BUB1B: variants seen among roughly 807,000 people sequenced by gnomAD.
BUB1B encodes BUB1 mitotic checkpoint serine/threonine kinase B, also known as mitotic checkpoint serine/threonine-protein kinase BUB1 beta.
A neutral mutation model predicts 137.7 loss-of-function variants in BUB1B; 86 were observed. The observed-to-expected ratio is 0.62, with a 90% CI of 0.52 to 0.75. The LOEUF (loss-of-function observed/expected upper bound fraction) is 0.75. Among genes scored for constraint, BUB1B ranks in the 30% least tolerant of loss-of-function variants. The pLI is 0.00. For synonymous variants in BUB1B, 420 were observed against 417.9 expected, an observed-to-expected ratio of 1.00 and a Z score of -0.06; for missense variants, 1,130 against 1,236.9, an observed-to-expected ratio of 0.91 and a Z score of 1.30.
intron 20 of BUB1B, among the ~76,000 whole-genome samples, chr15:40,216,299 A>C (rs1476711214): frequency 2.0e-5 from 3 of 151,874 alleles, no homozygotes; most frequent in African/African-American, 7.3e-5. Flanking sequence ...TTAGCCAGGC[A>C]TGGTGGCACA....
At chr15:40,166,951 A>G (rs1217079081) in intron 2 of BUB1B, among the ~76,000 whole-genome samples, 1 of 151,728 alleles carries the variant, frequency 6.6e-6, no homozygotes, top group Non-Finnish European at 1.5e-5. Flanking sequence ...ATCTGTTTAG[A>G]TATTTTGCCC....
At chr15:40,176,977 C>A (rs1174141614) in intron 5 of BUB1B, among the ~76,000 whole-genome samples, 1 of 152,138 alleles carries the variant, frequency 6.6e-6, no homozygotes, top group African/African-American at 2.4e-5. Flanking sequence ...AAACCCCTGG[C>A]AAACACTGAT....
intron 8 of BUB1B, among the ~76,000 whole-genome samples, chr15:40,194,589 G>A (rs536623484): frequency 1.3e-5 from 2 of 152,270 alleles, no homozygotes; most frequent in Admixed American, 1.3e-4. Flanking sequence ...GGTATCTTTA[G>A]TTGTACAAAG....
chr15:40,212,455 C>T, intron 18 of BUB1B, 44 bp from the exon 19 acceptor site: 1 of 1,527,840 alleles, frequency 6.5e-7, no homozygotes, highest in Non-Finnish European at 9.0e-7. Context: ...CAGCCATAAC[C>T]ATAGACTTAA....
chr15:40,204,617 A>G (rs1190732027), intron 14 of BUB1B, among the ~76,000 whole-genome samples: 1 of 151,282 alleles, frequency 6.6e-6, no homozygotes, highest in Admixed American at 6.6e-5. Context: ...ATATAAATAC[A>G]TATATATGTA....
In BUB1B at chr15:40,185,171, G is replaced by A; in HGVS notation, c.758G>A (p.Ser253Asn). ...TTAATATTTTTGCTCCTAGCTCCAA[G>A]CCAGAACAGAGGACTCCAAAATCCA... ...IRVGGALKAP[S>N]QNRGLQNPFP... The change falls in exon 7 of 23, where the codon AGC becomes AAC. Residue 253 changes from serine to asparagine, a missense_variant. Coordinates refer to ENST00000287598, the MANE Select transcript of BUB1B (RefSeq NM_001211.6). 6.2e-7 allele frequency: 1 copy of A among 1,613,640 alleles called. No homozygotes were observed. Among genetic ancestry groups the A allele is most frequent in the Non-Finnish European group, 8.5e-7 (1 of 1,179,702 alleles).
chr15:40,173,477 A>C (rs777394702), intron 4 of BUB1B, among the ~76,000 whole-genome samples: 10 of 152,114 alleles, frequency 6.6e-5, no homozygotes, highest in Non-Finnish European at 1.2e-4. Flanking sequence ...ATGAAGTAAA[A>C]AGCATAATCT....
intron 9 of BUB1B, 70 bp from the exon 10 acceptor site, chr15:40,199,545 T>C (rs1371182112): frequency 6.6e-6 from 8 of 1,208,928 alleles, no homozygotes; most frequent in Non-Finnish European, 9.8e-6. Flanking sequence ...GGAGATGAGC[T>C]CCAAAGGCAG....
intron 4 of BUB1B, among the ~76,000 whole-genome samples, chr15:40,172,189 ATAAAG>A (rs1213777532): frequency 1.3e-5 from 2 of 150,688 alleles, no homozygotes; most frequent in Admixed American, 6.6e-5. Flanking sequence ...TCTTACTAAA[ATAAAG>A]TAATAAAGTA....
intron 8 of BUB1B, among the ~76,000 whole-genome samples, chr15:40,190,639 A>G (rs956630283): frequency 6.6e-6 from 1 of 152,190 alleles, no homozygotes; most frequent in African/African-American, 2.4e-5. Flanking sequence ...ACAATAAAAT[A>G]AAAGTTAAGA....
chr15:40,174,971 AG>A (rs1210493166), intron 4 of BUB1B, among the ~76,000 whole-genome samples: 2 of 152,176 alleles, frequency 1.3e-5, no homozygotes, highest in African/African-American at 4.8e-5. Context: ...CTCAAAAAAA[AG>A]GAAAAAAAAT....
rs539092164 is a variant in BUB1B at position 40,186,688 on chromosome 15, G to A, written c.1058+1046G>A. On this transcript the variant is annotated intron_variant, in intron 8 of 22. Transcript: ENST00000287598. ...TCTCGATCTCCTGACCTAGTGATCC[G>A]CCCGCCTTGGCCTCCCAAAGTGCTG... Among the ~76,000 whole-genome samples, 36 of 150,470 alleles carry A rather than the reference G, an allele frequency of 2.4e-4. No individual in the cohort carries two copies. The East Asian group carries it at 5.3e-3, about 22-fold the overall frequency.
rs769980774 is a variant in BUB1B, at chr15:40,170,091, C to T, written c.209C>T (p.Thr70Ile). ...RAFEYEIRFY[T>I]GNDPLDVWDR... ...TTTGAATATGAAATTCGATTTTACA[C>T]TGGAAATGACCCTCTGGATGTTTGG... The change falls in exon 3 of 23, where the codon ACT becomes ATT. Residue 70 changes from threonine (T) to isoleucine (I), a missense_variant. Transcript: ENST00000287598. 2 of 1,613,888 alleles carry T rather than the reference C, an allele frequency of 1.2e-6. No homozygotes were observed. The highest frequency in any genetic ancestry group is 8.5e-7 in the Non-Finnish European group (1 of 1,179,788).
At position 40,208,716 on chromosome 15, in the gene BUB1B, T is replaced by G. The variant is rs2037669090; in HGVS notation, c.2089T>G (p.Ser697Ala). The G allele has an allele frequency of 6.2e-7, 1 of 1,613,788 alleles. No individual in the cohort carries two copies. The highest frequency in any genetic ancestry group is 2.2e-5 in the East Asian group (1 of 44,894). The change falls in exon 16 of 23, where the codon TCC (serine) becomes GCC (alanine). Residue 697 changes from serine (S) to alanine (A), a missense_variant. Ser to Ala is a moderately conservative substitution (Grantham distance 99, BLOSUM62 1). Coordinates refer to ENST00000287598, the MANE Select transcript of BUB1B (RefSeq NM_001211.6). ...GSSASVASTS[S>A]IKCLQIPEKL... ...TTCTGCCTCGGTTGCAAGCACCTCCTCCATCAAATGTCTTCAAATTCCTGA... is the reference window on the plus strand; with the variant it reads ...TTCTGCCTCGGTTGCAAGCACCTCCGCCATCAAATGTCTTCAAATTCCTGA...
intron 5 of BUB1B, 84 bp downstream of exon 5, chr15:40,176,757 T>C: frequency 2.1e-6 from 3 of 1,412,600 alleles, no homozygotes; most frequent in Non-Finnish European, 3.0e-6. Flanking sequence ...AAGTGCTTTC[T>C]GGTGGATTGG....
chr15:40,178,530 T>C (rs1218130230), intron 5 of BUB1B, among the ~76,000 whole-genome samples: 4 of 152,130 alleles, frequency 2.6e-5, no homozygotes, highest in African/African-American at 4.8e-5. Context: ...AAAATATGTG[T>C]ATTCTGTTTT....
chr15:40,177,463 C>T (rs1186122603), intron 5 of BUB1B, among the ~76,000 whole-genome samples: 1 of 151,988 alleles, frequency 6.6e-6, no homozygotes, highest in Non-Finnish European at 1.5e-5. Flanking sequence ...GTTCCAATGC[C>T]AATTGTTGAA....
chr15:40,176,822 TTTTA>T, intron 5 of BUB1B, 149 bp downstream of exon 5: 1 of 847,590 alleles, frequency 1.2e-6, no homozygotes, highest in Non-Finnish European at 1.8e-6. Flanking sequence ...ATTTTAAAAA[TTTTA>T]TTTATCATAG....
intron 22 of BUB1B, among the ~76,000 whole-genome samples, chr15:40,219,924 A>C (rs553347173): frequency 6.6e-6 from 1 of 152,276 alleles, no homozygotes; most frequent in East Asian, 1.9e-4. Flanking sequence ...CTCTTACATG[A>C]ACTTTTAAAA....
Sources: gnomAD v4.1 joint callset for allele counts (sites outside exome capture counted in the v4.1 genomes callset) on GRCh38, gnomAD v4.1.1 for gene constraint, MANE v1.5 for transcripts, NCBI Gene and HGNC (gene_info 2026-07-23, HGNC 2026-07-21) for gene names.